The following SYN3 variants were observed in gnomAD, a reference collection of about 807,000 sequenced individuals.
SYN3 encodes synapsin III.
In SYN3, 35 loss-of-function variants were observed where a neutral mutation model predicts 65.8. That is an observed-to-expected ratio of 0.53 (90% confidence interval 0.41 to 0.70). The LOEUF is 0.70. SYN3 is among the 30% of genes least tolerant of loss of function. The pLI is 0.00. For missense variants in SYN3, 680 were observed against 749.0 expected (o/e 0.91, Z 1.08); for synonymous variants, 270 against 292.9 (o/e 0.92, Z 0.80).
intron 13 of SYN3, among the ~76,000 whole-genome samples, chr22:32,516,794 G>A (rs1003272309): frequency 1.2e-4 from 11 of 89,310 alleles, no homozygotes; most frequent in African/African-American, 4.0e-4. Flanking sequence ...GGAAACTTTG[G>A]CAAGTTATTT....
intron 12 of SYN3, among the ~76,000 whole-genome samples, chr22:32,520,415 G>A (rs1196233538): frequency 6.6e-6 from 1 of 152,018 alleles, no homozygotes; most frequent in African/African-American, 2.4e-5. Context: ...GGGATTACAG[G>A]TGTGAGCCAC....
chr22:32,794,542 G>C (rs1302230771), intron 6 of SYN3, among the ~76,000 whole-genome samples: 1 of 152,194 alleles, frequency 6.6e-6, no homozygotes, highest in Non-Finnish European at 1.5e-5. Flanking sequence ...CCATTCATTG[G>C]TTAGTTTATT....
At chr22:32,736,965 A>G (rs2061343291) in intron 6 of SYN3, among the ~76,000 whole-genome samples, 2 of 152,182 alleles carry the variant, frequency 1.3e-5, no homozygotes, top group Admixed American at 6.5e-5. Context: ...GTAAGCAAGC[A>G]GACAGACCTC....
intron 6 of SYN3, among the ~76,000 whole-genome samples, chr22:32,741,618 G>T (rs921789497): frequency 1.3e-5 from 2 of 151,994 alleles, no homozygotes; most frequent in Non-Finnish European, 2.9e-5. Context: ...GCCTCCCAAA[G>T]TGCTGGGATT....
intron 4 of SYN3, among the ~76,000 whole-genome samples, chr22:32,915,622 C>T (rs35166473): frequency 1.3e-5 from 2 of 151,972 alleles, no homozygotes; most frequent in Non-Finnish European, 2.9e-5. Flanking sequence ...TGCAAAGGCC[C>T]TGAGGAGAGA....
At chr22:32,827,895 C>T (rs1257918187) in intron 6 of SYN3, among the ~76,000 whole-genome samples, 1 of 152,148 alleles carries the variant, frequency 6.6e-6, no homozygotes, top group Non-Finnish European at 1.5e-5. Flanking sequence ...ACTGGCTGGC[C>T]CCTTCTCATC....
intron 6 of SYN3, among the ~76,000 whole-genome samples, chr22:32,697,098 T>C (rs1385901424): frequency 6.6e-6 from 1 of 152,202 alleles, no homozygotes; most frequent in East Asian, 1.9e-4. Flanking sequence ...TAAGTGGGAC[T>C]AGGATGTGGA....
chr22:32,843,238 C>A (rs932540655), intron 6 of SYN3, among the ~76,000 whole-genome samples: 1 of 152,220 alleles, frequency 6.6e-6, no homozygotes, highest in African/African-American at 2.4e-5. Flanking sequence ...CGTTGCTTGG[C>A]ACCTAAGAGG....
At chr22:33,035,831 C>T (rs9609687) in intron 1 of SYN3, among the ~76,000 whole-genome samples, 27,545 of 152,130 alleles carry the variant, frequency 0.18, 2,812 homozygotes, top group East Asian at 0.41. Context: ...ATCCTCCTGC[C>T]TTCTGTCTAC....
At chr22:32,757,961 C>T (rs2045345962) in intron 6 of SYN3, among the ~76,000 whole-genome samples, 2 of 152,218 alleles carry the variant, frequency 1.3e-5, no homozygotes, top group African/African-American at 2.4e-5. Context: ...CCAGCTATGA[C>T]CATGTGACCA....
chr22:32,915,169 G>C (rs1277481650), intron 4 of SYN3, among the ~76,000 whole-genome samples: 1 of 152,176 alleles, frequency 6.6e-6, no homozygotes, highest in Non-Finnish European at 1.5e-5. Context: ...AATACCTAAT[G>C]TAGATGATGG....
intron 3 of SYN3, among the ~76,000 whole-genome samples, chr22:32,967,633 G>T (rs1319713047): frequency 1.3e-5 from 2 of 152,234 alleles, no homozygotes; most frequent in African/African-American, 4.8e-5. Context: ...CAATTAAAAG[G>T]CATTTTTCCC....
intron 6 of SYN3, among the ~76,000 whole-genome samples, chr22:32,653,489 A>G (rs2060101260): frequency 6.6e-6 from 1 of 152,202 alleles, no homozygotes. Context: ...AGGTAAGAAA[A>G]AAATGCTAGG....
At chr22:32,903,043 T>C (rs2146535926) in intron 4 of SYN3, among the ~76,000 whole-genome samples, 1 of 152,226 alleles carries the variant, frequency 6.6e-6, no homozygotes, top group East Asian at 1.9e-4. Flanking sequence ...CGCTCTCTAC[T>C]GTTTTTCGAG....
intron 6 of SYN3, among the ~76,000 whole-genome samples, chr22:32,703,458 G>A (rs2060836592): frequency 6.6e-6 from 1 of 152,112 alleles, no homozygotes; most frequent in South Asian, 2.1e-4. Flanking sequence ...CCAACACGGT[G>A]AAACCCCGTC....
At chr22:32,862,215 A>G (rs1383120831) in intron 6 of SYN3, 2 of 152,210 alleles carry the variant, frequency 1.3e-5, no homozygotes, top group African/African-American at 2.4e-5. Context: ...GATTTTCCTA[A>G]GAATCCAGGG....
chr22:32,560,778 G>T (rs1006393246), intron 7 of SYN3, among the ~76,000 whole-genome samples: 6 of 152,198 alleles, frequency 3.9e-5, no homozygotes, highest in South Asian at 4.1e-4. Flanking sequence ...GGCTTGAAAG[G>T]TTCGCTTTGT....
At chr22:32,931,290 G>T in intron 4 of SYN3, 100 bp downstream of exon 4, 1 of 776,272 alleles carries the variant, frequency 1.3e-6, no homozygotes, top group Non-Finnish European at 2.3e-6. Flanking sequence ...AGTACATGTG[G>T]CAAAGGAGTT....
intron 8 of SYN3, among the ~76,000 whole-genome samples, chr22:32,539,209 C>T (rs892916236): frequency 4.6e-5 from 7 of 152,082 alleles, no homozygotes; most frequent in African/African-American, 1.7e-4. Flanking sequence ...GAATAGATGA[C>T]CACCAGGAGC....
Sources: allele counts gnomAD v4.1 joint callset (sites outside exome capture counted in the v4.1 genomes callset), GRCh38; gene constraint gnomAD v4.1.1; transcripts MANE v1.5; gene names NCBI Gene and HGNC (gene_info 2026-07-23, HGNC 2026-07-21).